Variants in DCBLD2 observed in about 807,000 individuals in gnomAD.
DCBLD2 encodes discoidin, CUB and LCCL domain containing 2.
DCBLD2 carries 54 observed loss-of-function variants against 86.8 expected under a neutral mutation model. The observed-to-expected ratio is 0.62, with a 90% CI of 0.50 to 0.78. The LOEUF is 0.78. Among genes scored for constraint, DCBLD2 ranks in the 30% least tolerant of loss-of-function variants. The pLI, the probability that DCBLD2 is intolerant of heterozygous loss-of-function variation, is 0.00. For missense variants in DCBLD2, 908 were observed against 954.2 expected (o/e 0.95, Z 0.64); for synonymous variants, 354 against 341.3 (o/e 1.04, Z -0.41).
chr3:98,802,028 G>A (rs9881519), intron 13 of DCBLD2: 69,660 of 161,326 alleles, frequency 0.43, 15,240 homozygotes, highest in African/African-American at 0.46. Flanking sequence ...GTGTGCATGT[G>A]TCTCTATAGC....
chr3:98,811,376 T>C, intron 11 of DCBLD2, 57 bp from the exon 12 acceptor site: 2 of 1,611,996 alleles, frequency 1.2e-6, no homozygotes, highest in Non-Finnish European at 8.5e-7. Context: ...TTGATTAACA[T>C]AAACTTATTT....
chr3:98,878,085 GATTA>G (rs1422732906), intron 2 of DCBLD2, among the ~76,000 whole-genome samples: 2 of 152,052 alleles, frequency 1.3e-5, no homozygotes, highest in East Asian at 3.9e-4. Context: ...ATTCATACAA[GATTA>G]ATATGTCCCA....
At chr3:98,847,060 A>C (rs921113679) in intron 3 of DCBLD2, among the ~76,000 whole-genome samples, 11 of 152,208 alleles carry the variant, frequency 7.2e-5, no homozygotes, top group Non-Finnish European at 7.3e-5. Flanking sequence ...TCAATAAGTA[A>C]AACTTAAAGG....
rs374269287 is a variant in DCBLD2, at chr3:98,799,210, C to T, written c.*162G>A. Reference sequence around the variant, plus strand: ...ACTGTGCCACCATAACACCTTAAAGCAAGATGGCAAGATTAGTAGTTTCCT... The same window carrying T: ...ACTGTGCCACCATAACACCTTAAAGTAAGATGGCAAGATTAGTAGTTTCCT... On this transcript the variant is annotated 3_prime_UTR_variant, in exon 16 of 16. Coordinates refer to ENST00000326840, the MANE Select transcript of DCBLD2 (RefSeq NM_080927.4). 15 of 723,460 alleles carry T rather than the reference C, an allele frequency of 2.1e-5. No individual in the cohort carries two copies. Among genetic ancestry groups the T allele is most frequent in the African/African-American group, 1.1e-4 (6 of 56,204 alleles). The allele number at this position is 723,460 out of a possible 1,614,324, so 44.8% of individuals were successfully genotyped here.
chr3:98,860,868 A>T (rs1943028954), intron 2 of DCBLD2, among the ~76,000 whole-genome samples: 1 of 152,222 alleles, frequency 6.6e-6, no homozygotes, highest in Non-Finnish European at 1.5e-5. Flanking sequence ...AAATTCACAC[A>T]TAACAATATT....
rs181853213 is a variant in DCBLD2 at position 98,819,575 on chromosome 3, G to A, written c.872-158C>T. 4.1e-5 allele frequency: 30 copies of A among 728,978 alleles called. No homozygotes were observed. The African/African-American group carries it at 4.8e-4, about 12-fold the overall frequency. 45.2% of individuals were successfully genotyped at this position (728,978 alleles called of 1,614,324 possible). A position where few individuals can be genotyped will look rare whatever the true frequency, so the allele number is the denominator to read the frequency against. On this transcript the variant is annotated intron_variant, in intron 7 of 15. Coordinates refer to ENST00000326840, the MANE Select transcript of DCBLD2 (RefSeq NM_080927.4). ...TTTCAAAACTAGGCAAGTGTTTCTT[G>A]GGCATATGTCTTTGTGTATCATTAG...
rs1943841608 is a variant in DCBLD2, at chr3:98,901,158, G to A, written c.169C>T (p.Leu57=). 2 of 1,538,704 alleles carry A rather than the reference G, an allele frequency of 1.3e-6. No individual in the cohort carries two copies. Among genetic ancestry groups the A allele is most frequent in the African/African-American group, 2.7e-5 (2 of 73,046 alleles). Residue 57 remains leucine, a synonymous_variant, in exon 1 of 16, where the codon CTG becomes TTG. Transcript: ENST00000326840. ...CCAGCGTCCTCGAGCAGCAGGAGCA[G>A]GACAAGTAAGAGCAGGAGGAACAGA... ...MPLFLLLLLV[L]LLLLEDAGAQ... is the part of the protein sequence containing the mutation.
chr3:98,892,800 T>G (rs940663534), intron 1 of DCBLD2, among the ~76,000 whole-genome samples: 3 of 152,018 alleles, frequency 2.0e-5, no homozygotes, highest in Non-Finnish European at 4.4e-5. Context: ...CCACCTCACA[T>G]CCAGACCTAT....
intron 2 of DCBLD2, among the ~76,000 whole-genome samples, chr3:98,859,893 AGAG>A (rs770593499): frequency 2.0e-5 from 3 of 152,250 alleles, no homozygotes; most frequent in Non-Finnish European, 4.4e-5. Context: ...TGACGAGTTG[AGAG>A]AAGAAGGCTT....
intron 6 of DCBLD2, 47 bp downstream of exon 6, chr3:98,822,181 T>G: frequency 1.2e-6 from 2 of 1,606,596 alleles, no homozygotes; most frequent in Admixed American, 1.7e-5. Flanking sequence ...CTACCCAGAA[T>G]GCTAATTATA....
chr3:98,854,791 T>G (rs770142220), intron 2 of DCBLD2, among the ~76,000 whole-genome samples: 3 of 152,182 alleles, frequency 2.0e-5, no homozygotes, highest in Non-Finnish European at 4.4e-5. Context: ...GAATAAACGC[T>G]GCAAGGGAAA....
Position 98,799,248 on chromosome 3 carries a change from C to T in DCBLD2, c.*124G>A. On this transcript the variant is annotated 3_prime_UTR_variant, in exon 16 of 16. Transcript: ENST00000326840. ...TTAGTAGTTTCCTGTACCTCAGTCA[C>T]CACATTTTCCCCAACCACTTCAGTG... The T allele has an allele frequency of 9.3e-7, 1 of 1,073,662 alleles. No homozygotes were observed. The highest frequency in any genetic ancestry group is 1.3e-6 in the Non-Finnish European group (1 of 757,850). 66.5% of individuals were successfully genotyped at this position (1,073,662 alleles called of 1,614,324 possible). A position where few individuals can be genotyped will look rare whatever the true frequency, so the allele number is the denominator to read the frequency against.
In DCBLD2 at chr3:98,819,365, T is replaced by G; in HGVS notation, c.924A>C (p.Ile308=). 6.2e-7 allele frequency: 1 copy of G among 1,613,812 alleles called. No individual in the cohort carries two copies. Among genetic ancestry groups the G allele is most frequent in the Non-Finnish European group, 8.5e-7 (1 of 1,179,768 alleles). The change falls in exon 8 of 16, where the codon ATA becomes ATC. Residue 308 remains isoleucine (I), a synonymous_variant. Coordinates refer to ENST00000326840, the MANE Select transcript of DCBLD2 (RefSeq NM_080927.4). ...MESGVIADPQ[I]TASSVLEWTD... ...TCCACTCCAGCACAGATGATGCTGT[T>G]ATTTGAGGATCCGCGATCACACCAG...
In DCBLD2 at chr3:98,798,526, G is replaced by A. The variant is rs1941653892; in HGVS notation, c.*846C>T. On this transcript the variant is annotated 3_prime_UTR_variant, in exon 16 of 16. Coordinates refer to ENST00000326840, the MANE Select transcript of DCBLD2 (RefSeq NM_080927.4). ...AAAATCCCATTGCAAATAAAGTTGG[G>A]GGTGGGAGAAGAATCTCCTTTAAAG... 1 of 152,156 alleles carries A rather than the reference G, an allele frequency of 6.6e-6. No individual in the cohort carries two copies. Among genetic ancestry groups the A allele is most frequent in the Non-Finnish European group, 1.5e-5 (1 of 68,040 alleles). 9.4% of individuals were successfully genotyped at this position (152,156 alleles called of 1,614,324 possible). A position where few individuals can be genotyped will look rare whatever the true frequency, so the allele number is the denominator to read the frequency against.
chr3:98,834,796 A>G (rs993879942), intron 3 of DCBLD2, among the ~76,000 whole-genome samples: 1 of 152,282 alleles, frequency 6.6e-6, no homozygotes, highest in Non-Finnish European at 1.5e-5. Flanking sequence ...TGAAACTTAT[A>G]GATGTTATCC....
At chr3:98,854,431 G>C (rs756925833) in intron 2 of DCBLD2, among the ~76,000 whole-genome samples, 1 of 152,096 alleles carries the variant, frequency 6.6e-6, no homozygotes, top group Admixed American at 6.6e-5. Context: ...CTGTGAATAA[G>C]CTGTCCTTTT....
At chr3:98,860,692 C>G (rs1180616130) in intron 2 of DCBLD2, among the ~76,000 whole-genome samples, 1 of 152,114 alleles carries the variant, frequency 6.6e-6, no homozygotes, top group Non-Finnish European at 1.5e-5. Flanking sequence ...TTTGTCACCA[C>G]CAGGCCTGCC....
At chr3:98,880,303 T>A (rs187127827) in intron 2 of DCBLD2, among the ~76,000 whole-genome samples, 216 of 152,350 alleles carry the variant, frequency 1.4e-3, no homozygotes, top group Admixed American at 5.1e-3. Flanking sequence ...GAACAGTATA[T>A]TGGATTCCTA....
Position 98,811,300 on chromosome 3 carries a change from C to A in DCBLD2, c.1470G>T (p.Thr490=). ...TGCTACTGCGAGGTTGTAGTGGTTG[C>A]GTAAATTTTGGGGCACGACCTTTAA... The part of the protein sequence containing the change: ...KIAKGRAPKF[T]QPLQPRSSNE... The change falls in exon 12 of 16, where the codon ACG becomes ACT. Residue 490 remains threonine, a synonymous_variant. Coordinates refer to ENST00000326840, the MANE Select transcript of DCBLD2 (RefSeq NM_080927.4). The A allele has an allele frequency of 6.2e-7, 1 of 1,612,326 alleles. No individual in the cohort carries two copies. Among genetic ancestry groups the A allele is most frequent in the Non-Finnish European group, 8.5e-7 (1 of 1,179,276 alleles).
Sources: gnomAD v4.1 joint callset for allele counts (sites outside exome capture counted in the v4.1 genomes callset) on GRCh38, gnomAD v4.1.1 for gene constraint, MANE v1.5 for transcripts, NCBI Gene and HGNC (gene_info 2026-07-23, HGNC 2026-07-21) for gene names.